ZNF385D: variants seen among roughly 807,000 people sequenced by gnomAD.
ZNF385D encodes the protein zinc finger protein 385D, also known as zinc finger protein 659.
In ZNF385D, 15 loss-of-function variants were observed where a neutral mutation model predicts 35.8. The observed-to-expected ratio is 0.42, with a 90% confidence interval of 0.28 to 0.64. The LOEUF (loss-of-function observed/expected upper bound fraction) is 0.64, where lower values mean the gene tolerates loss of function less well. Among genes scored for constraint, ZNF385D ranks in the 30% least tolerant of loss-of-function variants. The pLI is 0.23. For synonymous variants in ZNF385D, 212 were observed against 186.8 expected, an observed-to-expected ratio of 1.13 and a Z score of -1.10; for missense variants, 474 against 494.6, an observed-to-expected ratio of 0.96 and a Z score of 0.39.
chr3:21,932,859 T>G (rs578202115), intron 3 of ZNF385D, among the ~76,000 whole-genome samples: 18 of 152,288 alleles, frequency 1.2e-4, no homozygotes, highest in Non-Finnish European at 1.9e-4. Flanking sequence ...ATGGTTAGAA[T>G]TGATATTAAC....
At chr3:21,948,721 T>C (rs1351239968) in intron 3 of ZNF385D, among the ~76,000 whole-genome samples, 1 of 152,130 alleles carries the variant, frequency 6.6e-6, no homozygotes, top group Admixed American at 6.5e-5. Context: ...TTTCATTCAT[T>C]GTCACTTTTT....
chr3:21,711,039 G>GTTTTTTTTTTTTTTT lies in ZNF385D; in HGVS notation c.22+39841_22+39855dup, dbSNP rs869252663. On this transcript the variant is annotated intron_variant, in intron 1 of 7. Coordinates refer to ENST00000281523, the MANE Select transcript of ZNF385D (RefSeq NM_024697.3). ...TCTTAATTTCCTTATCCCTCTAAAA[G>GTTTTTTTTTTTTTTT]TTTTTTTTTTTTTTTTTTTTGAGAT... 5.6e-3 allele frequency among the ~76,000 whole-genome samples: 466 copies of GTTTTTTTTTTTTTTT among 83,122 alleles called. 70 individuals are homozygous for GTTTTTTTTTTTTTTT. Among genetic ancestry groups the GTTTTTTTTTTTTTTT allele is most frequent in the Middle Eastern group, 0.011 (1 of 90 alleles). The allele number at this position is 83,122 out of a possible 152,430, so 54.5% of individuals were successfully genotyped here. A position where few individuals can be genotyped will look rare whatever the true frequency, so the allele number is the denominator to read the frequency against.
chr3:22,065,318 C>A (rs191080877), intron 3 of ZNF385D, among the ~76,000 whole-genome samples: 2 of 152,314 alleles, frequency 1.3e-5, no homozygotes, highest in East Asian at 1.9e-4. Flanking sequence ...GCTGTCCTAG[C>A]TAGACAGATG....
rs1694682061 is a variant in ZNF385D at position 22,174,439 on chromosome 3, TGTAA to T, written c.107-5408_107-5405del. Among the ~76,000 whole-genome samples the T allele has an allele frequency of 2.0e-5, 3 of 152,280 alleles. No homozygotes were observed. In the South Asian group the frequency reaches 6.2e-4, roughly 32 times the overall value. On this transcript the variant is annotated intron_variant, in intron 2 of 5. Transcript: ENST00000494108. ...CAGTTTAGTGCACAATAAACCACAG[TGTAA>T]GTAGTTTTACAAATGACTTACAAAG...
At chr3:21,549,153 G>A (rs2125591158) in intron 3 of ZNF385D, among the ~76,000 whole-genome samples, 1 of 152,208 alleles carries the variant, frequency 6.6e-6, no homozygotes, top group East Asian at 1.9e-4. Flanking sequence ...TTATTACTTT[G>A]TAAAGAAACC....
chr3:22,005,918 A>G (rs1261602300), intron 3 of ZNF385D, among the ~76,000 whole-genome samples: 1 of 152,140 alleles, frequency 6.6e-6, no homozygotes, highest in Non-Finnish European at 1.5e-5. Context: ...GTCTGTCTTC[A>G]TCTCTAAGCA....
chr3:22,128,650 G>A (rs1388383142), intron 3 of ZNF385D, among the ~76,000 whole-genome samples: 1 of 151,998 alleles, frequency 6.6e-6, no homozygotes, highest in Non-Finnish European at 1.5e-5. Context: ...AAATTATGCT[G>A]TTGAGAGACT....
chr3:21,969,370 T>TG (rs577287036), intron 3 of ZNF385D, among the ~76,000 whole-genome samples: 1 of 152,122 alleles, frequency 6.6e-6, no homozygotes, highest in Non-Finnish European at 1.5e-5. Flanking sequence ...TCACAAGATC[T>TG]GATGGTTTTA....
At chr3:22,108,206 C>T (rs1191185925) in intron 3 of ZNF385D, among the ~76,000 whole-genome samples, 1 of 152,122 alleles carries the variant, frequency 6.6e-6, no homozygotes. Context: ...TACATACACA[C>T]ATATATAGAG....
At chr3:22,299,045 C>T (rs570259328) in intron 2 of ZNF385D, among the ~76,000 whole-genome samples, 20 of 151,968 alleles carry the variant, frequency 1.3e-4, no homozygotes, top group African/African-American at 4.6e-4. Context: ...TAACACAATT[C>T]AAATTTTGTG....
At chr3:21,493,161 T>C (rs1028687858) in intron 4 of ZNF385D, among the ~76,000 whole-genome samples, 1 of 152,036 alleles carries the variant, frequency 6.6e-6, no homozygotes, top group African/African-American at 2.4e-5. Context: ...AATTGATACA[T>C]ACTAGTATGT....
chr3:21,980,659 C>A (rs969141484), intron 3 of ZNF385D, among the ~76,000 whole-genome samples: 1 of 152,122 alleles, frequency 6.6e-6, no homozygotes, highest in Non-Finnish European at 1.5e-5. Flanking sequence ...ACTATTTCGT[C>A]ATCCAGCTAT....
intron 2 of ZNF385D, among the ~76,000 whole-genome samples, chr3:21,642,033 A>G (rs1377028515): frequency 1.3e-5 from 2 of 152,080 alleles, no homozygotes; most frequent in Admixed American, 1.3e-4. Context: ...AACAGGCAAC[A>G]TGGCACTGGC....
chr3:21,873,609 G>A (rs139832309), intron 3 of ZNF385D, among the ~76,000 whole-genome samples: 47 of 152,164 alleles, frequency 3.1e-4, no homozygotes, highest in African/African-American at 9.6e-4. Flanking sequence ...GACTGAAATT[G>A]TATACCTATT....
At chr3:21,996,243 G>A (rs1246637576) in intron 3 of ZNF385D, among the ~76,000 whole-genome samples, 2 of 152,122 alleles carry the variant, frequency 1.3e-5, no homozygotes, top group Non-Finnish European at 2.9e-5. Flanking sequence ...AGCATCAAGG[G>A]ACTCTTCCAT....
intron 4 of ZNF385D, among the ~76,000 whole-genome samples, chr3:21,444,376 G>A (rs1032822104): frequency 5.9e-5 from 7 of 118,330 alleles, no homozygotes; most frequent in African/African-American, 1.0e-4. Context: ...CACAGCACCC[G>A]GCCTTTTTTT....
intron 1 of ZNF385D, among the ~76,000 whole-genome samples, chr3:21,711,962 A>G (rs2068125965): frequency 6.6e-6 from 1 of 152,232 alleles, no homozygotes; most frequent in Admixed American, 6.5e-5. Flanking sequence ...CACTTTGCTA[A>G]TTATAATCTT....
chr3:21,425,283 T>A (rs1700967697), intron 6 of ZNF385D, among the ~76,000 whole-genome samples: 1 of 152,202 alleles, frequency 6.6e-6, no homozygotes, highest in Admixed American at 6.5e-5. Flanking sequence ...TATTACATTT[T>A]AGTATTTCCT....
intron 2 of ZNF385D, among the ~76,000 whole-genome samples, chr3:22,208,703 C>T (rs1697318869): frequency 7.7e-6 from 1 of 129,276 alleles, no homozygotes; most frequent in South Asian, 2.4e-4. Flanking sequence ...TATGTACCCA[C>T]AAAAAGTAAA....
Sources: allele counts gnomAD v4.1 joint callset (sites outside exome capture counted in the v4.1 genomes callset), GRCh38; gene constraint gnomAD v4.1.1; transcripts MANE v1.5; gene names NCBI Gene and HGNC (gene_info 2026-07-23, HGNC 2026-07-21).